The following ZNF362 variants were observed in gnomAD, a reference collection of about 807,000 sequenced individuals.
ZNF362 encodes the protein zinc finger protein 362, also known as rotund homolog.
In ZNF362, 11 loss-of-function variants were observed where a neutral mutation model predicts 42.9. That is an observed-to-expected ratio of 0.26 (90% CI 0.16 to 0.42). ZNF362 has a LOEUF of 0.42. Among genes scored for constraint, ZNF362 ranks in the 20% least tolerant of loss-of-function variants. The pLI is 1.00. For missense variants in ZNF362, 362 were observed against 576.2 expected, an observed-to-expected ratio of 0.63 and a Z score of 3.81; for synonymous variants, 255 against 257.3, an observed-to-expected ratio of 0.99 and a Z score of 0.09.
intron 6 of ZNF362, among the ~76,000 whole-genome samples, chr1:33,290,225 C>G (rs1379752723): frequency 1.3e-5 from 2 of 152,130 alleles, no homozygotes. Context: ...GGTATAACCC[C>G]ACAACAAGCC....
chr1:33,221,090 G>A, the ZNF362 span, among the ~76,000 whole-genome samples: 3 of 152,164 alleles, frequency 2.0e-5, no homozygotes, highest in Admixed American at 2.0e-4. Context: ...GGTGGTGCTG[G>A]GGGGCGGGGT....
At chr1:33,164,719 A>T in the ZNF362 span, 2 of 152,242 alleles carry the variant, frequency 1.3e-5, no homozygotes. Context: ...CCACCTCTGG[A>T]GGGCTTCGAG....
At chr1:33,202,450 C>A in the ZNF362 span, among the ~76,000 whole-genome samples, 1 of 151,890 alleles carries the variant, frequency 6.6e-6, no homozygotes, top group African/African-American at 2.4e-5. Flanking sequence ...CAAAAAAAAT[C>A]AGCCAGGCAT....
chr1:33,175,080 C>A, the ZNF362 span, among the ~76,000 whole-genome samples: 2 of 132,572 alleles, frequency 1.5e-5, no homozygotes, highest in Non-Finnish European at 3.3e-5. Context: ...CACTCTGTCA[C>A]CCAGGCTGGA....
the ZNF362 span, among the ~76,000 whole-genome samples, chr1:33,155,108 G>T: frequency 1.6e-4 from 23 of 143,930 alleles, no homozygotes; most frequent in Non-Finnish European, 2.6e-4. Flanking sequence ...GTCTCGCTCT[G>T]TCGCCCAGGC....
chr1:33,147,269 G>A, the ZNF362 span: 2 of 1,614,168 alleles, frequency 1.2e-6, no homozygotes, highest in South Asian at 2.2e-5. The surrounding 1 kb of genome is among the most constrained non-coding windows in gnomAD (Gnocchi z 8.1). Context: ...AGCTTGCCAG[G>A]GAACTTCTCG....
chr1:33,278,340 C>G (rs1184313627), intron 4 of ZNF362, among the ~76,000 whole-genome samples: 1 of 152,050 alleles, frequency 6.6e-6, no homozygotes, highest in Admixed American at 6.5e-5. Flanking sequence ...CTGTCATAAA[C>G]ATATATGTTC....
the ZNF362 span, chr1:33,196,273 G>A: frequency 0.71 from 108,290 of 151,730 alleles, 39,002 homozygotes; most frequent in Non-Finnish European, 0.76. Context: ...CCAGCTACTT[G>A]GGAGGCTGAG....
At chr1:33,151,633 G>A in the ZNF362 span, among the ~76,000 whole-genome samples, 4 of 152,144 alleles carry the variant, frequency 2.6e-5, no homozygotes, top group African/African-American at 9.7e-5. Flanking sequence ...CTATTCTACA[G>A]GTCAGAGCTC....
intron 8 of ZNF362, among the ~76,000 whole-genome samples, chr1:33,298,405 T>G (rs1646139880): frequency 6.6e-6 from 1 of 152,134 alleles, no homozygotes; most frequent in South Asian, 2.1e-4. Context: ...CAACCCTTAC[T>G]CCATGCTAAG....
the ZNF362 span, among the ~76,000 whole-genome samples, chr1:33,206,640 C>A: frequency 6.6e-6 from 1 of 151,916 alleles, no homozygotes; most frequent in Non-Finnish European, 1.5e-5. Context: ...ATTATAAAAA[C>A]GAAAAGACAA....
At chr1:33,267,386 CTT>C (rs1570386562) in intron 1 of ZNF362, among the ~76,000 whole-genome samples, 3 of 152,160 alleles carry the variant, frequency 2.0e-5, no homozygotes, top group African/African-American at 7.2e-5. Context: ...TTCTTCCCCT[CTT>C]TTCTCTCAGC....
At chr1:33,223,044 A>C in the ZNF362 span, among the ~76,000 whole-genome samples, 1 of 152,030 alleles carries the variant, frequency 6.6e-6, no homozygotes, top group Non-Finnish European at 1.5e-5. Context: ...CGAGGTCAGG[A>C]GATCAAGACC....
chr1:33,235,225 G>A, the ZNF362 span, among the ~76,000 whole-genome samples: 1 of 151,976 alleles, frequency 6.6e-6, no homozygotes, highest in Non-Finnish European at 1.5e-5. Flanking sequence ...CTGCAATACC[G>A]CTTTCCTGTG....
At chr1:33,288,743 C>CTAAAAAAAAAAAAAAAAAA (rs1646051064) in intron 6 of ZNF362, among the ~76,000 whole-genome samples, 1 of 27,372 alleles carries the variant, frequency 3.7e-5, no homozygotes, top group Admixed American at 6.8e-4. Flanking sequence ...GACTCTGTCT[C>CTAAAAAAAAAAAAAAAAAA]AAAAAAAAAA....
rs142850369 is a variant in ZNF362 at position 33,281,069 on chromosome 1, A to AAAC, written c.684-494_684-492dup. Among the ~76,000 whole-genome samples, 8,940 of 150,748 alleles carry AAAC rather than the reference A, an allele frequency of 0.059. 369 individuals carry two copies. Among genetic ancestry groups the AAAC allele is most frequent in the African/African-American group, 0.12 (4,940 of 41,012 alleles). On this transcript the variant is annotated intron_variant, in intron 5 of 8. Transcript: ENST00000539719. The surrounding 1 kb of genome is among the most constrained non-coding windows in gnomAD (Gnocchi z 4.8). ...GGGTGACAGGGTGAGACTCTGTCTC[A>AAAC]AACAACAACAACAACAACAACAACA...
the ZNF362 span, among the ~76,000 whole-genome samples, chr1:33,193,004 C>CACACAT: frequency 7.0e-4 from 96 of 137,290 alleles, no homozygotes; most frequent in African/African-American, 2.3e-3. Context: ...CACACACACA[C>CACACAT]ATATATATAT....
chr1:33,188,127 G>A, the ZNF362 span, among the ~76,000 whole-genome samples: 3 of 152,062 alleles, frequency 2.0e-5, no homozygotes, highest in Non-Finnish European at 4.4e-5. Context: ...CCAGCTACTC[G>A]GGAGGCTGAG....
chr1:33,260,453 C>A (rs1645821580), intron 1 of ZNF362, among the ~76,000 whole-genome samples: 1 of 152,222 alleles, frequency 6.6e-6, no homozygotes, highest in Non-Finnish European at 1.5e-5. Context: ...CTTCTTGTTT[C>A]ACAGGTTTCT....
Sources: gnomAD v4.1 joint callset for allele counts (sites outside exome capture counted in the v4.1 genomes callset) on GRCh38, gnomAD v4.1.1 for gene constraint, Gnocchi (gnomAD v3.1) non-coding constraint, MANE v1.5 for transcripts, NCBI Gene and HGNC (gene_info 2026-07-23, HGNC 2026-07-21) for gene names.